RAD18: variants seen among roughly 807,000 people sequenced by gnomAD.
RAD18 encodes the protein RAD18 E3 ubiquitin protein ligase.
A neutral mutation model predicts 60.4 loss-of-function variants in RAD18; 47 were observed. The ratio of observed to expected loss-of-function variants is 0.78; its 90% CI spans 0.62 to 0.99. The LOEUF is 0.99. Ranked by LOEUF, RAD18 falls within the 50% of genes least tolerant of loss-of-function variation. RAD18 has a pLI of 0.00. For synonymous variants in RAD18, 225 were observed against 195.5 expected, an observed-to-expected ratio of 1.15 and a Z score of -1.26; for missense variants, 640 against 593.3, an observed-to-expected ratio of 1.08 and a Z score of -0.82.
chr3:8,898,807 AG>A, intron 11 of RAD18, 86 bp downstream of exon 11: 1 of 1,203,964 alleles, frequency 8.3e-7, no homozygotes, highest in East Asian at 2.5e-5. Context: ...CATGCCTCAA[AG>A]CTACATTCTA....
chr3:8,902,174 AT>A (rs1381856938), intron 10 of RAD18, among the ~76,000 whole-genome samples: 2 of 152,198 alleles, frequency 1.3e-5, no homozygotes, highest in African/African-American at 4.8e-5. Flanking sequence ...ACAAAAAGAG[AT>A]TGTTTCTTCA....
chr3:8,943,993 G>C (rs1444494190), intron 4 of RAD18, among the ~76,000 whole-genome samples: 2 of 151,956 alleles, frequency 1.3e-5, no homozygotes, highest in African/African-American at 4.8e-5. Context: ...GATAACAAGA[G>C]AAAACAAGCA....
At chr3:8,883,747 T>C (rs955874859) in intron 12 of RAD18, among the ~76,000 whole-genome samples, 1 of 152,222 alleles carries the variant, frequency 6.6e-6, no homozygotes, top group Non-Finnish European at 1.5e-5. Context: ...GAATATTTTA[T>C]AGCTGTTCAA....
chr3:8,941,365 G>T, intron 5 of RAD18, 102 bp downstream of exon 5: 2 of 1,048,590 alleles, frequency 1.9e-6, no homozygotes, highest in Non-Finnish European at 1.4e-6. Flanking sequence ...AATCTGGTTT[G>T]TCCTTTACCA....
intron 7 of RAD18, among the ~76,000 whole-genome samples, chr3:8,921,685 T>C (rs973510275): frequency 2.0e-5 from 3 of 150,350 alleles, no homozygotes; most frequent in Admixed American, 1.3e-4. Context: ...TTTCAGGAAA[T>C]GTCCAAACAC....
chr3:8,935,797 G>A, intron 7 of RAD18, 74 bp downstream of exon 7: 1 of 1,273,896 alleles, frequency 7.8e-7, no homozygotes, highest in African/African-American at 1.5e-5. Context: ...ATTTTTCTAT[G>A]GTTTATAATT....
At chr3:8,957,642 C>T (rs1304370926) in intron 2 of RAD18, among the ~76,000 whole-genome samples, 1 of 152,110 alleles carries the variant, frequency 6.6e-6, no homozygotes, top group East Asian at 1.9e-4. Context: ...AAAGCTAAAG[C>T]AACAGTAAAC....
intron 11 of RAD18, among the ~76,000 whole-genome samples, chr3:8,892,043 T>C (rs958608890): frequency 2.0e-5 from 3 of 152,222 alleles, no homozygotes; most frequent in Non-Finnish European, 4.4e-5. Flanking sequence ...TTAATATTTT[T>C]GAAGTCTTAG....
At chr3:8,943,879 A>G (rs1940796822) in intron 4 of RAD18, among the ~76,000 whole-genome samples, 2 of 152,240 alleles carry the variant, frequency 1.3e-5, no homozygotes, top group South Asian at 4.1e-4. Flanking sequence ...TAGAAAAAGT[A>G]AAAACCACCA....
rs927961084 is a variant in RAD18, at chr3:8,892,791, G to C, written c.1323-2340C>G. Among the ~76,000 whole-genome samples, 7 of 152,288 alleles carry C rather than the reference G, an allele frequency of 4.6e-5. No individual in the cohort carries two copies. In the East Asian group the frequency reaches 1.2e-3, roughly 25 times the overall value. Reference sequence around the variant, plus strand: ...AAGATGTCAAATACCTACGGCAAATGTATGACTGGTAATGTTAGTTAGAGA... The same window carrying C: ...AAGATGTCAAATACCTACGGCAAATCTATGACTGGTAATGTTAGTTAGAGA... On this transcript the variant is annotated intron_variant, in intron 11 of 12. Coordinates refer to ENST00000264926, the MANE Select transcript of RAD18 (RefSeq NM_020165.4).
chr3:8,881,779 G>C (rs905002149), intron 12 of RAD18, among the ~76,000 whole-genome samples: 1 of 152,116 alleles, frequency 6.6e-6, no homozygotes, highest in African/African-American at 2.4e-5. Flanking sequence ...GAAAAAGCCA[G>C]ACAGTCTAAC....
At chr3:8,943,209 CA>C (rs1940784720) in intron 4 of RAD18, among the ~76,000 whole-genome samples, 1 of 151,848 alleles carries the variant, frequency 6.6e-6, no homozygotes, top group Non-Finnish European at 1.5e-5. Flanking sequence ...AATTATTGAA[CA>C]TGCAAAGAAG....
chr3:8,949,351 C>T (rs11711789), intron 2 of RAD18, among the ~76,000 whole-genome samples: 12,839 of 152,030 alleles, frequency 0.084, 607 homozygotes, highest in South Asian at 0.15. Context: ...ATTCAGGATT[C>T]GTTTAGTTGA....
chr3:8,947,442 T>C (rs1286532153), intron 3 of RAD18, 152 bp from the exon 4 acceptor site: 6 of 644,674 alleles, frequency 9.3e-6, no homozygotes, highest in Non-Finnish European at 1.6e-5. Context: ...ATTTATCTCA[T>C]GCTAATATGA....
chr3:8,924,201 A>G (rs9880544), intron 7 of RAD18, among the ~76,000 whole-genome samples: 103,874 of 150,534 alleles, frequency 0.69, 36,383 homozygotes, highest in Middle Eastern at 0.77. Context: ...GGCTCAAAAT[A>G]AAGGGATGGA....
At chr3:8,949,514 T>TA (rs1418278446) in intron 2 of RAD18, among the ~76,000 whole-genome samples, 1 of 152,152 alleles carries the variant, frequency 6.6e-6, no homozygotes, top group African/African-American at 2.4e-5. Context: ...GAAGCAAAGA[T>TA]GAATACAGGG....
chr3:8,916,369 C>T (rs557048184), intron 7 of RAD18, among the ~76,000 whole-genome samples: 9 of 152,254 alleles, frequency 5.9e-5, no homozygotes, highest in Non-Finnish European at 1.2e-4. Context: ...CCAAGTGATA[C>T]GTAACAGCAA....
At chr3:8,924,522 G>A (rs1417946651) in intron 7 of RAD18, among the ~76,000 whole-genome samples, 1 of 141,332 alleles carries the variant, frequency 7.1e-6, no homozygotes, top group African/African-American at 2.6e-5. Flanking sequence ...AAGTTAACAA[G>A]GATATCCAGG....
chr3:8,938,581 C>T (rs1940692392), intron 6 of RAD18, among the ~76,000 whole-genome samples: 1 of 152,144 alleles, frequency 6.6e-6, no homozygotes, highest in African/African-American at 2.4e-5. Flanking sequence ...TATTATCTTG[C>T]CCTTGCCTCC....
Sources: allele counts gnomAD v4.1 joint callset (sites outside exome capture counted in the v4.1 genomes callset), GRCh38; gene constraint gnomAD v4.1.1; transcripts MANE v1.5; gene names NCBI Gene and HGNC (gene_info 2026-07-23, HGNC 2026-07-21).